Variants in WWOX observed in about 807,000 individuals in gnomAD.
WWOX encodes the protein WW domain containing oxidoreductase.
A neutral mutation model predicts 46.2 loss-of-function variants in WWOX; 69 were observed. That is an observed-to-expected ratio of 1.49 (90% confidence interval 1.23 to 1.82). The LOEUF is 1.82. WWOX is among the 40% of genes most tolerant of loss of function. The pLI, the probability that WWOX is intolerant of heterozygous loss-of-function variation, is 0.00. For synonymous variants in WWOX, 359 were observed against 202.6 expected (o/e 1.77, Z -6.56); for missense variants, 919 against 542.6 (o/e 1.69, Z -6.89).
chr16:79,131,917 G>C (rs928233498), intron 8 of WWOX, among the ~76,000 whole-genome samples: 3 of 152,116 alleles, frequency 2.0e-5, no homozygotes, highest in African/African-American at 7.2e-5. Context: ...GAGTGAGCTT[G>C]TTCAGGGAAA....
At chr16:78,175,323 GCTGCGATTGTTTTAAAGT>G (rs1188734940) in intron 5 of WWOX, among the ~76,000 whole-genome samples, 2 of 152,160 alleles carry the variant, frequency 1.3e-5, no homozygotes, top group East Asian at 3.9e-4. Context: ...CTTAGAAGTG[GCTGCGATTGTTTTAAAGT>G]CTGTCCACAA....
intron 8 of WWOX, among the ~76,000 whole-genome samples, chr16:78,643,515 G>T (rs768531957): frequency 4.6e-5 from 7 of 152,088 alleles, no homozygotes; most frequent in African/African-American, 7.2e-5. Context: ...CTTTAAACCT[G>T]TGACCTCAAG....
chr16:78,827,191 G>T (rs746930859), intron 8 of WWOX, among the ~76,000 whole-genome samples: 7 of 152,112 alleles, frequency 4.6e-5, no homozygotes, highest in Non-Finnish European at 2.9e-5. Flanking sequence ...CAAGTGAAAG[G>T]GTAAATGCAT....
At chr16:78,990,378 C>T (rs1203194437) in intron 8 of WWOX, among the ~76,000 whole-genome samples, 1 of 152,092 alleles carries the variant, frequency 6.6e-6, no homozygotes, top group Non-Finnish European at 1.5e-5. Context: ...GCCTGAGGAG[C>T]CTCAACTGTT....
At chr16:78,653,308 T>G (rs1160616179) in intron 8 of WWOX, among the ~76,000 whole-genome samples, 2 of 152,230 alleles carry the variant, frequency 1.3e-5, no homozygotes, top group Non-Finnish European at 2.9e-5. Flanking sequence ...GGACACTATT[T>G]TAAAAAATAA....
chr16:79,183,075 C>A (rs2050944228), intron 8 of WWOX, among the ~76,000 whole-genome samples: 1 of 152,236 alleles, frequency 6.6e-6, no homozygotes. Context: ...TCTTCTCTGG[C>A]AACCCACTAT....
intron 8 of WWOX, among the ~76,000 whole-genome samples, chr16:78,831,930 C>T (rs768326336): frequency 2.6e-4 from 40 of 152,156 alleles, no homozygotes; most frequent in Admixed American, 1.3e-4. Context: ...TTCCTCTTTC[C>T]TCACTTTTGG....
At chr16:78,966,721 T>C (rs1333647870) in intron 8 of WWOX, among the ~76,000 whole-genome samples, 1 of 152,218 alleles carries the variant, frequency 6.6e-6, no homozygotes, top group East Asian at 1.9e-4. Flanking sequence ...AGCTTAAATA[T>C]ATTGCAAAAC....
chr16:78,719,552 G>T (rs1201551694), intron 8 of WWOX, among the ~76,000 whole-genome samples: 2 of 152,190 alleles, frequency 1.3e-5, no homozygotes, highest in African/African-American at 4.8e-5. Flanking sequence ...AATTAAGAAG[G>T]AGAAGGGGGA....
At chr16:79,134,477 C>T (rs554737190) in intron 8 of WWOX, among the ~76,000 whole-genome samples, 1 of 152,104 alleles carries the variant, frequency 6.6e-6, no homozygotes, top group South Asian at 2.1e-4. Context: ...AGAATGAGGT[C>T]GAGGTCATTG....
chr16:79,095,580 A>C (rs541778210), intron 8 of WWOX, among the ~76,000 whole-genome samples: 1 of 152,146 alleles, frequency 6.6e-6, no homozygotes, highest in East Asian at 1.9e-4. Flanking sequence ...AATAAAACAA[A>C]TGGAGCCACA....
chr16:78,639,276 C>G (rs998344440), intron 8 of WWOX, among the ~76,000 whole-genome samples: 1 of 152,178 alleles, frequency 6.6e-6, no homozygotes, highest in African/African-American at 2.4e-5. Context: ...GCATCGATGA[C>G]ACACGCAGGG....
intron 8 of WWOX, among the ~76,000 whole-genome samples, chr16:78,600,697 G>C (rs79875412): frequency 2.0e-5 from 3 of 152,118 alleles, no homozygotes; most frequent in African/African-American, 7.2e-5. Context: ...GCCCTAGAAC[G>C]ACAGCAAGAC....
rs778953188 is a variant in WWOX at position 78,258,670 on chromosome 16, C to T, written c.516+94381C>T. Among the ~76,000 whole-genome samples, 59 of 118,954 alleles carry T rather than the reference C, an allele frequency of 5.0e-4. 1 individual carries two copies. Among genetic ancestry groups the T allele is most frequent in the Non-Finnish European group, 9.0e-4 (56 of 62,368 alleles). 78.0% of individuals were successfully genotyped at this position (118,954 alleles called of 152,430 possible). On this transcript the variant is annotated intron_variant, in intron 5 of 8. Coordinates refer to ENST00000566780, the MANE Select transcript of WWOX (RefSeq NM_016373.4). ...AGAAGAAAATGTACTTTTATGTGTTCGTTCGACAGTTAAAGAGTATTCCAG... is the reference window on the plus strand; with the variant it reads ...AGAAGAAAATGTACTTTTATGTGTTTGTTCGACAGTTAAAGAGTATTCCAG...
chr16:78,890,886 G>C (rs1019952967), intron 8 of WWOX: 1 of 152,140 alleles, frequency 6.6e-6, no homozygotes, highest in Admixed American at 6.5e-5. Flanking sequence ...GTACATTCCT[G>C]CACCACTTAA....
chr16:79,143,638 C>G (rs1371272200), intron 8 of WWOX, among the ~76,000 whole-genome samples: 5 of 151,976 alleles, frequency 3.3e-5, no homozygotes, highest in Non-Finnish European at 7.4e-5. Flanking sequence ...AGAGTATTCG[C>G]CAATATGTAT....
At chr16:79,172,933 ATTGC>A (rs2050729556) in intron 8 of WWOX, among the ~76,000 whole-genome samples, 1 of 151,916 alleles carries the variant, frequency 6.6e-6, no homozygotes, top group East Asian at 1.9e-4. Flanking sequence ...AGGCAGGAAG[ATTGC>A]TTGAGCCTGG....
intron 8 of WWOX, among the ~76,000 whole-genome samples, chr16:78,477,899 A>G (rs1301362187): frequency 2.6e-5 from 4 of 152,226 alleles, no homozygotes; most frequent in African/African-American, 9.6e-5. Flanking sequence ...TATAAAAGAT[A>G]TGGAAAAAGA....
At chr16:78,965,112 G>T (rs971735234) in intron 8 of WWOX, among the ~76,000 whole-genome samples, 6 of 152,238 alleles carry the variant, frequency 3.9e-5, no homozygotes, top group Admixed American at 6.5e-5. Flanking sequence ...TAGGGCTGGA[G>T]CCTCCAGGCA....
Sources: gnomAD v4.1 joint callset for allele counts (sites outside exome capture counted in the v4.1 genomes callset) on GRCh38, gnomAD v4.1.1 for gene constraint, MANE v1.5 for transcripts, NCBI Gene and HGNC (gene_info 2026-07-23, HGNC 2026-07-21) for gene names.